Variants in GRIK3 observed in about 807,000 individuals in gnomAD.
GRIK3 encodes glutamate receptor ionotropic, kainate 3.
In GRIK3, 29 loss-of-function variants were observed where a neutral mutation model predicts 102.5. The observed-to-expected ratio is 0.28, with a 90% CI of 0.21 to 0.39. The LOEUF is 0.39. Ranked by LOEUF, GRIK3 falls within the 10% of genes least tolerant of loss-of-function variation. The pLI is 1.00. For synonymous variants in GRIK3, 511 were observed against 504.9 expected (o/e 1.01, Z -0.16); for missense variants, 908 against 1,252.4 (o/e 0.73, Z 4.15).
In GRIK3 at chr1:37,025,769, T is replaced by C. The variant is rs896824437; in HGVS notation, c.115+8225A>G. The stretch of plus-strand genomic sequence containing the variant: ...GTCCCTTTAATAGCACAAGACTTAA[T>C]TGTCTCCTATGAATTGGAACCCTTT... On this transcript the variant is annotated intron_variant, in intron 1 of 15. Coordinates refer to ENST00000373091, the MANE Select transcript of GRIK3 (RefSeq NM_000831.4). 7.9e-5 allele frequency among the ~76,000 whole-genome samples: 12 copies of C among 152,344 alleles called. No individual in the cohort carries two copies. The South Asian group carries it at 8.3e-4, about 11-fold the overall frequency.
chr1:36,934,325 T>C (rs1641630283), intron 1 of GRIK3, among the ~76,000 whole-genome samples: 1 of 152,200 alleles, frequency 6.6e-6, no homozygotes, highest in African/African-American at 2.4e-5. Context: ...CAGACTCCCA[T>C]GACATTGCTC....
chr1:36,894,790 T>A (rs886958883), intron 1 of GRIK3, among the ~76,000 whole-genome samples: 1 of 152,208 alleles, frequency 6.6e-6, no homozygotes, highest in Non-Finnish European at 1.5e-5. Flanking sequence ...TGAGTTTTAC[T>A]CCTGGAATTC....
chr1:36,801,982 T>G lies in GRIK3; in HGVS notation c.2629A>C (p.Lys877Gln), dbSNP rs969563786. The change falls in exon 16 of 16, where the codon AAG (lysine) becomes CAG (glutamine). Residue 877 changes from lysine to glutamine, a missense_variant. Transcript: ENST00000373091. ...RFSLTCQRRV[K>Q]HKPQPPMMVK... ...ATCATGGGAGGCTGAGGCTTGTGCT[T>G]GACTCGACGCTGGCAGGTAAGGGAG... The G allele has an allele frequency of 6.2e-7, 1 of 1,613,864 alleles. No homozygotes were observed. The highest frequency in any genetic ancestry group is 1.3e-5 in the African/African-American group (1 of 74,922).
chr1:36,850,296 G>C lies in GRIK3; in HGVS notation c.1326+15C>G. 1 of 1,504,308 alleles carries C rather than the reference G, an allele frequency of 6.6e-7. No homozygotes were observed. The highest frequency in any genetic ancestry group is 9.3e-7 in the Non-Finnish European group (1 of 1,079,620). The allele number at this position is 1,504,308 out of a possible 1,614,324, so 93.2% of individuals were successfully genotyped here. ...AGGTCGGACAGTCCTTCCTGCAGGG[G>C]CTGCAGGCTCTTACCAGCACTGTGG... On this transcript the variant is annotated intron_variant, in intron 9 of 15. Coordinates refer to ENST00000373091, the MANE Select transcript of GRIK3 (RefSeq NM_000831.4). The surrounding 1 kb of genome is among the most constrained non-coding windows in gnomAD (Gnocchi z 4.0).
At chr1:36,953,365 C>T (rs879726548) in intron 1 of GRIK3, among the ~76,000 whole-genome samples, 3 of 152,194 alleles carry the variant, frequency 2.0e-5, no homozygotes, top group East Asian at 3.9e-4. Flanking sequence ...GCTGTTGAGC[C>T]GAGACCTGCA....
At chr1:36,886,394 A>G (rs749780084) in intron 2 of GRIK3, among the ~76,000 whole-genome samples, 5 of 152,232 alleles carry the variant, frequency 3.3e-5, no homozygotes, top group Non-Finnish European at 5.9e-5. Context: ...CCCAAGCCCC[A>G]GGTTCCTTGG....
chr1:36,859,942 C>T lies in GRIK3; in HGVS notation c.862G>A (p.Asp288Asn). Residue 288 changes from aspartate (D) to asparagine (N), a missense_variant, in exon 6 of 16, where the codon GAC (aspartate) becomes AAC (asparagine). Asp to Asn is a conservative substitution (Grantham distance 23). Coordinates refer to ENST00000373091, the MANE Select transcript of GRIK3 (RefSeq NM_000831.4). ...ACAATGGCCGAGACGTGTGGGTTGTCCACATTGAGAATCCGGAATCCTGTC... is the reference window on the plus strand; with the variant it reads ...ACAATGGCCGAGACGTGTGGGTTGTTCACATTGAGAATCCGGAATCCTGTC... ...NLTGFRILNV[D>N]NPHVSAIVEK... is the part of the protein sequence containing the mutation. 6.2e-7 allele frequency: 1 copy of T among 1,613,616 alleles called. No homozygotes were observed. The highest frequency in any genetic ancestry group is 8.5e-7 in the Non-Finnish European group (1 of 1,179,678).
At chr1:36,840,309 G>A (rs1428294017) in intron 10 of GRIK3, among the ~76,000 whole-genome samples, 2 of 152,066 alleles carry the variant, frequency 1.3e-5, no homozygotes, top group Admixed American at 6.6e-5. Context: ...TCAAGTTGAG[G>A]GCCCTGAGCT....
intron 1 of GRIK3, among the ~76,000 whole-genome samples, chr1:37,018,016 C>T (rs1292559996): frequency 6.6e-5 from 10 of 152,176 alleles, no homozygotes; most frequent in Admixed American, 6.5e-4. Context: ...TACGCTTGTG[C>T]AGAAACTGAT....
intron 10 of GRIK3, among the ~76,000 whole-genome samples, chr1:36,841,317 C>A (rs534031749): frequency 6.6e-6 from 1 of 152,186 alleles, no homozygotes; most frequent in Non-Finnish European, 1.5e-5. Flanking sequence ...AATGCAGTGA[C>A]GGGTTTCTCT....
At chr1:36,920,576 T>C (rs1641456118) in intron 1 of GRIK3, among the ~76,000 whole-genome samples, 1 of 152,188 alleles carries the variant, frequency 6.6e-6, no homozygotes, top group South Asian at 2.1e-4. Flanking sequence ...CCATATCTCA[T>C]TGGCTCTGGC....
chr1:36,954,642 C>T (rs1054052682), intron 1 of GRIK3, among the ~76,000 whole-genome samples: 3 of 152,192 alleles, frequency 2.0e-5, no homozygotes, highest in South Asian at 2.1e-4. Context: ...CCTGAGGTTC[C>T]CCTGATTACT....
chr1:36,876,602 C>G (rs1174975369), intron 3 of GRIK3, among the ~76,000 whole-genome samples: 3 of 152,166 alleles, frequency 2.0e-5, no homozygotes, highest in Non-Finnish European at 4.4e-5. Flanking sequence ...GTTGGGCTGT[C>G]TGTTACTTGC....
At chr1:36,883,183 C>A (rs1466663553) in intron 2 of GRIK3, among the ~76,000 whole-genome samples, 3 of 152,222 alleles carry the variant, frequency 2.0e-5, no homozygotes, top group African/African-American at 7.2e-5. Context: ...TACCATACGG[C>A]TAAATAGTTA....
intron 10 of GRIK3, among the ~76,000 whole-genome samples, chr1:36,837,661 T>G (rs962533129): frequency 6.6e-6 from 1 of 152,000 alleles, no homozygotes; most frequent in Non-Finnish European, 1.5e-5. Context: ...TAAAGTCCAG[T>G]TCCTCGGTTC....
chr1:36,959,246 C>CTGTGTGTCCGGTAAG (rs1265944014), intron 1 of GRIK3, among the ~76,000 whole-genome samples: 2 of 122,250 alleles, frequency 1.6e-5, no homozygotes, highest in Non-Finnish European at 3.6e-5. Context: ...GTCCCATGAC[C>CTGTGTGTCCGGTAAG]TGTGTGTCCG....
intron 1 of GRIK3, among the ~76,000 whole-genome samples, chr1:36,905,562 C>G (rs1471807353): frequency 6.6e-6 from 1 of 151,662 alleles, no homozygotes; most frequent in Admixed American, 6.6e-5. Context: ...AATTTTCATC[C>G]TCTCCCTGCT....
chr1:36,952,818 C>T (rs1276598249), intron 1 of GRIK3, among the ~76,000 whole-genome samples: 5 of 152,156 alleles, frequency 3.3e-5, no homozygotes. Flanking sequence ...CTAATTTATA[C>T]ATGGTGTTCA....
rs1169334835 is a variant in GRIK3 at position 36,880,177 on chromosome 1, C to T, written c.550+457G>A. On this transcript the variant is annotated intron_variant, in intron 3 of 15. Coordinates refer to ENST00000373091, the MANE Select transcript of GRIK3 (RefSeq NM_000831.4). This position sits in a 1 kb window ranked among gnomAD's most constrained non-coding sequence, Gnocchi z 5.4. ...CAGCAGGTGATAGAGATGGGATTTA[C>T]ACCCAGGTGGTTTGGCTCCAGTGTG... Among the ~76,000 whole-genome samples the T allele has an allele frequency of 6.6e-6, 1 of 152,230 alleles. No homozygotes were observed. The highest frequency in any genetic ancestry group is 2.4e-5 in the African/African-American group (1 of 41,456).
Sources: gnomAD v4.1 joint callset for allele counts (sites outside exome capture counted in the v4.1 genomes callset) on GRCh38, gnomAD v4.1.1 for gene constraint, Gnocchi (gnomAD v3.1) non-coding constraint, MANE v1.5 for transcripts, NCBI Gene and HGNC (gene_info 2026-07-23, HGNC 2026-07-21) for gene names.